NELL1: variants seen among roughly 807,000 people sequenced by gnomAD.
NELL1 encodes neural EGFL like 1, also known as protein kinase C-binding protein NELL1.
Under a neutral mutation model 107.4 loss-of-function variants are expected in NELL1, and 76 were observed. That is an observed-to-expected ratio of 0.71 (90% CI 0.59 to 0.86). The LOEUF (loss-of-function observed/expected upper bound fraction) is 0.86, where lower values mean the gene tolerates loss of function less well. Among genes scored for constraint, NELL1 ranks in the 40% least tolerant of loss-of-function variants. The probability of loss-of-function intolerance (pLI) is 0.00; values close to 1 mark genes in which losing one functional copy is unlikely to be tolerated. For missense variants in NELL1, 1,024 were observed against 1,005.5 expected, an observed-to-expected ratio of 1.02 and a Z score of -0.25; for synonymous variants, 353 against 341.2, an observed-to-expected ratio of 1.03 and a Z score of -0.38.
At chr11:20,674,203 G>A (rs35439941) in intron 1 of NELL1, among the ~76,000 whole-genome samples, 1,695 of 152,276 alleles carry the variant, frequency 0.011, 15 homozygotes, top group Non-Finnish European at 0.018. Context: ...CAAACCCAGC[G>A]TGAGAGGCCC....
At chr11:21,518,063 A>G (rs1855616792) in intron 15 of NELL1, among the ~76,000 whole-genome samples, 1 of 151,642 alleles carries the variant, frequency 6.6e-6, no homozygotes. Flanking sequence ...CTCTTTGGGA[A>G]TCATAAACCC....
At chr11:21,122,856 A>C (rs1167744753) in intron 13 of NELL1, among the ~76,000 whole-genome samples, 1 of 152,226 alleles carries the variant, frequency 6.6e-6, no homozygotes, top group Non-Finnish European at 1.5e-5. Flanking sequence ...TTAAATGACA[A>C]ATTCTCACAT....
At chr11:21,380,459 A>G (rs1851582250) in intron 15 of NELL1, among the ~76,000 whole-genome samples, 1 of 152,064 alleles carries the variant, frequency 6.6e-6, no homozygotes, top group African/African-American at 2.4e-5. Context: ...AAACCTGCTA[A>G]GACTGAGAGA....
intron 4 of NELL1, among the ~76,000 whole-genome samples, chr11:20,861,509 A>G (rs1848978338): frequency 6.6e-6 from 1 of 152,100 alleles, no homozygotes; most frequent in Non-Finnish European, 1.5e-5. Context: ...CACAGCAGTG[A>G]CTATAGAAAC....
chr11:20,988,691 C>T (rs1039537044), intron 12 of NELL1, among the ~76,000 whole-genome samples: 6 of 151,492 alleles, frequency 4.0e-5, no homozygotes, highest in Middle Eastern at 3.2e-3. Context: ...CCCGGGTTCA[C>T]GCCATTCTCC....
chr11:21,038,447 A>G (rs1253699715), intron 12 of NELL1, among the ~76,000 whole-genome samples: 3 of 152,232 alleles, frequency 2.0e-5, no homozygotes, highest in African/African-American at 7.2e-5. Context: ...ACTATATGAT[A>G]CAGAAACAGA....
At chr11:21,423,392 GAT>G (rs1479277815) in intron 15 of NELL1, among the ~76,000 whole-genome samples, 3 of 151,406 alleles carry the variant, frequency 2.0e-5, no homozygotes, top group Admixed American at 6.6e-5. Flanking sequence ...GGTAAAGAAA[GAT>G]ATTATATGTT....
chr11:20,797,731 A>G (rs1857201967), intron 3 of NELL1, among the ~76,000 whole-genome samples: 1 of 152,088 alleles, frequency 6.6e-6, no homozygotes, highest in Non-Finnish European at 1.5e-5. Context: ...GGGATAGAGA[A>G]GGAGGAGTCA....
intron 3 of NELL1, among the ~76,000 whole-genome samples, chr11:20,799,417 C>G (rs1857237502): frequency 6.6e-6 from 1 of 152,188 alleles, no homozygotes; most frequent in Non-Finnish European, 1.5e-5. Context: ...CAAAGGAAGT[C>G]TACCCATCCA....
chr11:21,497,992 C>G (rs1374579805), intron 15 of NELL1, among the ~76,000 whole-genome samples: 3 of 151,874 alleles, frequency 2.0e-5, no homozygotes, highest in Non-Finnish European at 4.4e-5. Flanking sequence ...TTTGCATTCC[C>G]TGATACATTT....
chr11:20,696,495 T>G (rs1351083688), intron 2 of NELL1, among the ~76,000 whole-genome samples: 1 of 152,082 alleles, frequency 6.6e-6, no homozygotes, highest in East Asian at 1.9e-4. Context: ...CAGAGGGATA[T>G]ATTTAACATT....
intron 13 of NELL1, among the ~76,000 whole-genome samples, chr11:21,159,217 G>A (rs946703114): frequency 5.9e-5 from 9 of 152,064 alleles, no homozygotes; most frequent in Non-Finnish European, 1.2e-4. Flanking sequence ...CTTGGACCTA[G>A]GTCTTGGATC....
intron 2 of NELL1, among the ~76,000 whole-genome samples, chr11:20,689,531 C>T (rs527838901): frequency 2.1e-4 from 30 of 145,754 alleles, no homozygotes; most frequent in Non-Finnish European, 3.0e-4. Context: ...TGAGAACATG[C>T]GGTGTTTGGT....
chr11:21,487,981 T>C (rs1343977270), intron 15 of NELL1, among the ~76,000 whole-genome samples: 2 of 151,892 alleles, frequency 1.3e-5, no homozygotes, highest in East Asian at 3.9e-4. Flanking sequence ...AAATAGAACA[T>C]AACAATTCTA....
At chr11:20,831,776 A>T (rs908817701) in intron 3 of NELL1, among the ~76,000 whole-genome samples, 1 of 152,212 alleles carries the variant, frequency 6.6e-6, no homozygotes, top group Non-Finnish European at 1.5e-5. Flanking sequence ...AATTTCCCCT[A>T]ATAGTACTAT....
intron 12 of NELL1, among the ~76,000 whole-genome samples, chr11:21,100,409 A>G (rs1854776032): frequency 6.6e-6 from 1 of 152,174 alleles, no homozygotes; most frequent in African/African-American, 2.4e-5. Flanking sequence ...AAGCTTTTTT[A>G]TCACTGGATA....
intron 13 of NELL1, among the ~76,000 whole-genome samples, chr11:21,193,093 G>A (rs547752622): frequency 2.0e-5 from 3 of 151,830 alleles, no homozygotes; most frequent in African/African-American, 4.9e-5. Flanking sequence ...TCTTTTAAAC[G>A]TGAGGTATTG....
intron 14 of NELL1, among the ~76,000 whole-genome samples, chr11:21,263,406 G>T (rs1262335143): frequency 6.6e-6 from 1 of 152,022 alleles, no homozygotes; most frequent in Non-Finnish European, 1.5e-5. Flanking sequence ...GTCAATTTAA[G>T]TATTTTTAGT....
chr11:21,008,111 C>T (rs1852368734), intron 12 of NELL1, among the ~76,000 whole-genome samples: 1 of 152,148 alleles, frequency 6.6e-6, no homozygotes, highest in South Asian at 2.1e-4. Flanking sequence ...GACTCGCTAG[C>T]TCTCATCTCC....
Sources: allele counts gnomAD v4.1 joint callset (sites outside exome capture counted in the v4.1 genomes callset), GRCh38; gene constraint gnomAD v4.1.1; transcripts MANE v1.5; gene names NCBI Gene and HGNC (gene_info 2026-07-23, HGNC 2026-07-21).